Variants in AGPS observed in about 807,000 individuals in gnomAD.
The protein encoded by AGPS is alkylglycerone phosphate synthase.
AGPS carries 26 observed loss-of-function variants against 90.7 expected under a neutral mutation model. The observed-to-expected ratio is 0.29, with a 90% CI of 0.21 to 0.40. The LOEUF is 0.40. AGPS is among the 10% of genes least tolerant of loss of function. AGPS has a pLI of 1.00. For missense variants in AGPS, 540 were observed against 816.1 expected (o/e 0.66, Z 4.12); for synonymous variants, 294 against 285.3 (o/e 1.03, Z -0.31).
intron 11 of AGPS, among the ~76,000 whole-genome samples, chr2:177,490,987 C>G (rs762971011): frequency 2.0e-5 from 3 of 151,194 alleles, no homozygotes; most frequent in African/African-American, 4.9e-5. Context: ...TCCCAAGTAG[C>G]TGGGATTACA....
chr2:177,530,694 G>A (rs2079130269), intron 19 of AGPS, among the ~76,000 whole-genome samples: 1 of 152,168 alleles, frequency 6.6e-6, no homozygotes, highest in African/African-American at 2.4e-5. Flanking sequence ...CTGGCAACAG[G>A]CTGGTTTGTC....
chr2:177,408,678 C>T (rs1685531967), intron 1 of AGPS, among the ~76,000 whole-genome samples: 1 of 152,196 alleles, frequency 6.6e-6, no homozygotes, highest in Non-Finnish European at 1.5e-5. Context: ...CCATCCTCTC[C>T]TATAGTGAAG....
At chr2:177,431,188 G>A (rs1006449884) in intron 2 of AGPS, among the ~76,000 whole-genome samples, 1 of 152,138 alleles carries the variant, frequency 6.6e-6, no homozygotes, top group African/African-American at 2.4e-5. Context: ...TTATCGGTAG[G>A]TCCATAATGC....
Position 177,540,872 on chromosome 2 carries a change from C to A in AGPS, c.*2677C>A, listed in dbSNP as rs909667085. The A allele has an allele frequency of 6.6e-6, 1 of 151,946 alleles. No homozygotes were observed. Among genetic ancestry groups the A allele is most frequent in the Non-Finnish European group, 1.5e-5 (1 of 67,940 alleles). 9.4% of individuals were successfully genotyped at this position (151,946 alleles called of 1,614,324 possible). A position where few individuals can be genotyped will look rare whatever the true frequency, so the allele number is the denominator to read the frequency against. ...ACTCAATATGAACAGGCTTTATAGA[C>A]CCTTAGAGAAACTGTTGCCTTAATG... On this transcript the variant is annotated 3_prime_UTR_variant, in exon 20 of 20. Transcript: ENST00000264167.
chr2:177,503,005 A>G (rs964582721), intron 14 of AGPS, among the ~76,000 whole-genome samples: 1 of 150,744 alleles, frequency 6.6e-6, no homozygotes, highest in African/African-American at 2.4e-5. Context: ...GGCATTATTC[A>G]TCTATCCCTT....
chr2:177,490,528 G>A (rs1055040549), intron 11 of AGPS, among the ~76,000 whole-genome samples: 8 of 152,108 alleles, frequency 5.3e-5, no homozygotes, highest in African/African-American at 1.9e-4. Flanking sequence ...GATAGTGTTT[G>A]TCTGTTACCA....
chr2:177,493,236 C>T, intron 12 of AGPS, 37 bp downstream of exon 12: 1 of 1,557,242 alleles, frequency 6.4e-7, no homozygotes, highest in Non-Finnish European at 8.9e-7. Context: ...TGTCATTTAG[C>T]CACAGAAATT....
At chr2:177,511,045 G>A (rs1473166713) in intron 16 of AGPS, among the ~76,000 whole-genome samples, 3 of 152,122 alleles carry the variant, frequency 2.0e-5, no homozygotes, top group Non-Finnish European at 4.4e-5. Flanking sequence ...GGAATAATTT[G>A]AGAGTACAGT....
At chr2:177,528,031 A>AT (rs943144277) in intron 19 of AGPS, among the ~76,000 whole-genome samples, 1 of 151,992 alleles carries the variant, frequency 6.6e-6, no homozygotes, top group South Asian at 2.1e-4. Flanking sequence ...TCCCTTTTCT[A>AT]TTTTTTTTCT....
chr2:177,461,688 T>C (rs1434619914), intron 8 of AGPS, among the ~76,000 whole-genome samples: 1 of 151,980 alleles, frequency 6.6e-6, no homozygotes, highest in East Asian at 1.9e-4. Context: ...TTTAATCTTG[T>C]AACATTTTCC....
chr2:177,435,949 C>T (rs1686395641), intron 3 of AGPS, among the ~76,000 whole-genome samples: 1 of 151,982 alleles, frequency 6.6e-6, no homozygotes. Flanking sequence ...GGGTGACATG[C>T]CCAATGTCTC....
At position 177,448,604 on chromosome 2, in the gene AGPS, A is replaced by G. The variant is rs573982965; in HGVS notation, c.870+2978A>G. Among the ~76,000 whole-genome samples the G allele has an allele frequency of 7.2e-4, 109 of 152,314 alleles. No individual in the cohort carries two copies. In the Middle Eastern group the frequency reaches 0.01, roughly 14 times the overall value. On this transcript the variant is annotated intron_variant, in intron 8 of 19. Coordinates refer to ENST00000264167, the MANE Select transcript of AGPS (RefSeq NM_003659.4). ...TCTTCTCTTCAGGAGATGGAAATTCAATTCCTTAGGCAGCTTGGACCACAA... is the reference window on the plus strand; with the variant it reads ...TCTTCTCTTCAGGAGATGGAAATTCGATTCCTTAGGCAGCTTGGACCACAA...
chr2:177,523,502 C>CT (rs1339018426), intron 18 of AGPS, among the ~76,000 whole-genome samples: 1 of 152,128 alleles, frequency 6.6e-6, no homozygotes, highest in Non-Finnish European at 1.5e-5. Flanking sequence ...GTCATTTTGT[C>CT]TTTTTTCCCT....
At chr2:177,526,743 T>G (rs1005097784) in intron 19 of AGPS, among the ~76,000 whole-genome samples, 1 of 152,186 alleles carries the variant, frequency 6.6e-6, no homozygotes, top group Non-Finnish European at 1.5e-5. Flanking sequence ...TGAAGAGCAT[T>G]CAAAAGATGC....
At chr2:177,411,797 G>C (rs1341507445) in intron 1 of AGPS, among the ~76,000 whole-genome samples, 1 of 152,084 alleles carries the variant, frequency 6.6e-6, no homozygotes, top group East Asian at 1.9e-4. Flanking sequence ...CTTTTATCCT[G>C]TTCTATTATG....
chr2:177,508,156 C>T, intron 16 of AGPS, 125 bp downstream of exon 16: 1 of 735,086 alleles, frequency 1.4e-6, no homozygotes, highest in Non-Finnish European at 2.3e-6. Context: ...GACAAGGCAG[C>T]TACTTTATTT....
chr2:177,518,564 T>TTACA (rs1448506478), intron 17 of AGPS, among the ~76,000 whole-genome samples: 2 of 152,166 alleles, frequency 1.3e-5, no homozygotes, highest in Non-Finnish European at 2.9e-5. Flanking sequence ...CAGTTATAAT[T>TTACA]GTGATACTTG....
At chr2:177,470,199 T>G (rs1263415052) in intron 10 of AGPS, among the ~76,000 whole-genome samples, 1 of 152,132 alleles carries the variant, frequency 6.6e-6, no homozygotes, top group African/African-American at 2.4e-5. Flanking sequence ...ATGACTGGAA[T>G]GTAAGGTTTA....
chr2:177,478,818 G>A (rs75747153), intron 10 of AGPS, among the ~76,000 whole-genome samples: 3,785 of 151,376 alleles, frequency 0.025, 84 homozygotes, highest in African/African-American at 0.054. Flanking sequence ...GGGATTTTTA[G>A]GGGGAGCGCA....
Sources: gnomAD v4.1 joint callset for allele counts (sites outside exome capture counted in the v4.1 genomes callset) on GRCh38, gnomAD v4.1.1 for gene constraint, MANE v1.5 for transcripts, NCBI Gene and HGNC (gene_info 2026-07-23, HGNC 2026-07-21) for gene names.